ARSG: variants seen among roughly 807,000 people sequenced by gnomAD.
ARSG encodes the protein arylsulfatase G, also known as ASG.
Under a neutral mutation model 50.5 loss-of-function variants are expected in ARSG, and 37 were observed. That is an observed-to-expected ratio of 0.73 (90% CI 0.56 to 0.96). ARSG has a LOEUF of 0.96. ARSG is among the 50% of genes least tolerant of loss of function. ARSG has a pLI of 0.00. For missense variants in ARSG, 629 were observed against 675.3 expected (o/e 0.93, Z 0.76); for synonymous variants, 225 against 254.6 (o/e 0.88, Z 1.11).
At chr17:68,439,836 C>G in the ARSG span, among the ~76,000 whole-genome samples, 3 of 152,146 alleles carry the variant, frequency 2.0e-5, no homozygotes, top group African/African-American at 7.2e-5. Context: ...CCAGATTTAA[C>G]ACTTCAAGAT....
At chr17:68,263,740 A>C (rs2075108958) in intron 1 of ARSG, among the ~76,000 whole-genome samples, 1 of 152,200 alleles carries the variant, frequency 6.6e-6, no homozygotes, top group Non-Finnish European at 1.5e-5. Context: ...ATGAGCCACA[A>C]CACCTGGCCA....
chr17:68,436,315 C>G, the ARSG span: 1 of 1,466,434 alleles, frequency 6.8e-7, no homozygotes, highest in Non-Finnish European at 9.5e-7. Flanking sequence ...GCGTCCTTAT[C>G]TATCTCCTTC....
intron 2 of ARSG, among the ~76,000 whole-genome samples, chr17:68,315,393 A>G (rs1555768130): frequency 6.6e-6 from 1 of 151,966 alleles, no homozygotes; most frequent in East Asian, 1.9e-4. Flanking sequence ...AAATCAATAA[A>G]TTAGCTGGGC....
chr17:68,264,411 A>C (rs1440986922), intron 1 of ARSG, among the ~76,000 whole-genome samples: 1 of 152,106 alleles, frequency 6.6e-6, no homozygotes, highest in Non-Finnish European at 1.5e-5. Context: ...TTAGTTACGG[A>C]TACATAGGTC....
intron 1 of ARSG, among the ~76,000 whole-genome samples, chr17:68,264,910 T>C (rs1163764057): frequency 1.3e-5 from 2 of 151,476 alleles, no homozygotes; most frequent in Non-Finnish European, 2.9e-5. Context: ...TCCCAACACT[T>C]TGGGAGGCCG....
At position 68,271,418 on chromosome 17, in the gene ARSG, G is replaced by T; in HGVS notation, c.-552+11992G>T. 1 of 1,614,224 alleles carries T rather than the reference G, an allele frequency of 6.2e-7. No homozygotes were observed. The highest frequency in any genetic ancestry group is 8.5e-7 in the Non-Finnish European group (1 of 1,180,048). On this transcript the variant is annotated intron_variant, in intron 1 of 11. Transcript: ENST00000448504. The surrounding 1 kb of genome is among the most constrained non-coding windows in gnomAD (Gnocchi z 5.3). ...TTAGTGTGAGTAGGCACATTTTTAGGTGAGGTAGTTAGTTCTACTCCTGAG... is the reference window on the plus strand; with the variant it reads ...TTAGTGTGAGTAGGCACATTTTTAGTTGAGGTAGTTAGTTCTACTCCTGAG...
At chr17:68,272,806 T>A (rs1555749496) in intron 1 of ARSG, 2 of 1,611,196 alleles carry the variant, frequency 1.2e-6, no homozygotes, top group Non-Finnish European at 1.7e-6. Flanking sequence ...GAGACCCACA[T>A]ACTGCTTGAG....
chr17:68,264,718 T>C lies in ARSG; in HGVS notation c.-552+5292T>C, dbSNP rs564641194. On this transcript the variant is annotated intron_variant, in intron 1 of 11. Coordinates refer to the ARSG transcript ENST00000448504. ...TCCCAAAGAGCTGGGATTACAGGCG[T>C]GAGCCACTGCACCTGGCCCAACTCA... Among the ~76,000 whole-genome samples the C allele has an allele frequency of 1.1e-4, 17 of 151,958 alleles. No homozygotes were observed. In the South Asian group the frequency reaches 3.5e-3, roughly 32 times the overall value.
At chr17:68,266,426 G>A (rs1420029132) in intron 1 of ARSG, among the ~76,000 whole-genome samples, 6 of 58,098 alleles carry the variant, frequency 1.0e-4, no homozygotes, top group African/African-American at 1.4e-4. Flanking sequence ...GTATATATAT[G>A]TATATATATA....
chr17:68,385,066 G>C lies in ARSG; in HGVS notation c.985G>C (p.Gly329Arg). 1.9e-6 allele frequency: 3 copies of C among 1,613,902 alleles called. No individual in the cohort carries two copies. The African/African-American group carries it at 4.0e-5, about 22-fold the overall frequency. The change falls in exon 9 of 12, where the codon GGA becomes CGA. Residue 329 changes from glycine to arginine, a missense_variant and splice_region_variant. Coordinates refer to ENST00000621439, the MANE Select transcript of ARSG (RefSeq NM_001267727.2). Reference sequence around the variant, plus strand: ...AGCTGCCTCCCCTCCTCTCACAGGGGGAAGTCCAGCCAAGCAGACGACCTG... The same window carrying C: ...AGCTGCCTCCCCTCCTCTCACAGGGCGAAGTCCAGCCAAGCAGACGACCTG... ...FTGFWQTRQG[G>R]SPAKQTTWEG...
chr17:68,325,331 A>G (rs1396152138), intron 2 of ARSG, among the ~76,000 whole-genome samples: 2 of 152,028 alleles, frequency 1.3e-5, no homozygotes, highest in African/African-American at 4.8e-5. Context: ...TCACCCCCAG[A>G]TGGGACCATC....
the ARSG span, among the ~76,000 whole-genome samples, chr17:68,441,309 G>A: frequency 6.6e-5 from 10 of 152,220 alleles, no homozygotes; most frequent in African/African-American, 2.4e-4. Context: ...TTACAGCTGC[G>A]TTAGATACCA....
the ARSG span, among the ~76,000 whole-genome samples, chr17:68,439,309 G>A: frequency 1.3e-4 from 20 of 152,256 alleles, no homozygotes; most frequent in East Asian, 3.9e-3. Context: ...GAAAAATAAA[G>A]TATTGATACA....
At chr17:68,355,273 A>G (rs1440027098) in intron 5 of ARSG, among the ~76,000 whole-genome samples, 4 of 152,242 alleles carry the variant, frequency 2.6e-5, no homozygotes, top group African/African-American at 4.8e-5. Context: ...GCCAGAGATC[A>G]TGACCAGAGT....
intron 8 of ARSG, among the ~76,000 whole-genome samples, chr17:68,373,583 G>A (rs186677598): frequency 2.2e-3 from 330 of 152,176 alleles, no homozygotes; most frequent in Non-Finnish European, 4.0e-3. Flanking sequence ...AGAACTTTAG[G>A]AGCAAGTGGC....
At chr17:68,397,449 A>G (rs186573175) in intron 10 of ARSG, among the ~76,000 whole-genome samples, 3 of 152,308 alleles carry the variant, frequency 2.0e-5, no homozygotes, top group African/African-American at 4.8e-5. Context: ...GACACTTGAG[A>G]TAAGATTCTG....
At chr17:68,438,929 T>G in the ARSG span, among the ~76,000 whole-genome samples, 1 of 152,160 alleles carries the variant, frequency 6.6e-6, no homozygotes, top group African/African-American at 2.4e-5. Flanking sequence ...AAGGCTGTGT[T>G]AAAAACACGA....
chr17:68,313,679 C>CTTTT (rs1464951846), intron 2 of ARSG, among the ~76,000 whole-genome samples: 9 of 40,776 alleles, frequency 2.2e-4, no homozygotes, highest in Non-Finnish European at 3.6e-4. Flanking sequence ...ATCTCTCTCT[C>CTTTT]TCTCTTTTTT....
chr17:68,426,243 G>GC (rs762554342), downstream of ARSG: 56 of 935,276 alleles, frequency 6.0e-5, no homozygotes, highest in Non-Finnish European at 8.0e-5. Context: ...CCTGGCGGGT[G>GC]GGGAGCGGGG....
Sources: gnomAD v4.1 joint callset for allele counts (sites outside exome capture counted in the v4.1 genomes callset) on GRCh38, gnomAD v4.1.1 for gene constraint, Gnocchi (gnomAD v3.1) non-coding constraint, MANE v1.5 for transcripts, NCBI Gene and HGNC (gene_info 2026-07-23, HGNC 2026-07-21) for gene names.